The following SPAG17 variants were observed in gnomAD, a reference collection of about 807,000 sequenced individuals.
SPAG17 encodes sperm associated antigen 17, also known as sperm-associated antigen 17.
Under a neutral mutation model 273.6 loss-of-function variants are expected in SPAG17, and 169 were observed. That is an observed-to-expected ratio of 0.62 (90% confidence interval 0.55 to 0.70). SPAG17 has a LOEUF of 0.70. SPAG17 is among the 30% of genes least tolerant of loss of function. The pLI is 0.00. For synonymous variants in SPAG17, 825 were observed against 873.2 expected (o/e 0.94, Z 0.97); for missense variants, 2,557 against 2,627.8 (o/e 0.97, Z 0.59).
Position 118,036,848 on chromosome 1 carries a change from A to G in SPAG17, c.3355T>C (p.Phe1119Leu). ...SDAKNKAFSK[F>L]GSFSATLENG... ...TCTAAGGTGGCAGAAAAAGATCCAAACTTGCTGAAAGCTTTATTCTTTGCA... is the reference window on the plus strand; with the variant it reads ...TCTAAGGTGGCAGAAAAAGATCCAAGCTTGCTGAAAGCTTTATTCTTTGCA... Residue 1119 changes from phenylalanine to leucine, a missense_variant, in exon 24 of 49, where the codon TTT (phenylalanine) becomes CTT (leucine). Coordinates refer to ENST00000336338, the MANE Select transcript of SPAG17 (RefSeq NM_206996.4). The G allele has an allele frequency of 6.4e-7, 1 of 1,560,188 alleles. No homozygotes were observed. The highest frequency in any genetic ancestry group is 8.7e-7 in the Non-Finnish European group (1 of 1,150,546).
intron 40 of SPAG17, among the ~76,000 whole-genome samples, chr1:117,985,989 C>T (rs944609851): frequency 3.3e-5 from 5 of 152,126 alleles, no homozygotes; most frequent in African/African-American, 1.2e-4. Flanking sequence ...ATTTGGCAGT[C>T]CAATTAGCCT....
chr1:117,972,582 AGTTT>A (rs1283937752), intron 44 of SPAG17, among the ~76,000 whole-genome samples: 2 of 152,182 alleles, frequency 1.3e-5, no homozygotes, highest in African/African-American at 4.8e-5. Context: ...ATCATCTCAG[AGTTT>A]GTTAGAACTG....
intron 3 of SPAG17, among the ~76,000 whole-genome samples, chr1:118,123,995 T>C (rs1178724092): frequency 6.6e-6 from 1 of 152,198 alleles, no homozygotes; most frequent in Admixed American, 6.5e-5. Flanking sequence ...CAGGACTATT[T>C]TAGAAATGTT....
intron 4 of SPAG17, among the ~76,000 whole-genome samples, chr1:118,108,849 G>C (rs1211167974): frequency 6.6e-6 from 1 of 152,038 alleles, no homozygotes; most frequent in Non-Finnish European, 1.5e-5. Context: ...ACCAAAAAAA[G>C]TGTTGGCATT....
At chr1:118,009,905 C>T (rs1457801997) in intron 30 of SPAG17, among the ~76,000 whole-genome samples, 1 of 151,742 alleles carries the variant, frequency 6.6e-6, no homozygotes, top group African/African-American at 2.4e-5. Context: ...CAATAGAATA[C>T]TATTCAGTGT....
chr1:118,028,182 G>A, intron 26 of SPAG17, 92 bp downstream of exon 26: 1 of 1,399,408 alleles, frequency 7.1e-7, no homozygotes, highest in South Asian at 1.4e-5. Flanking sequence ...TCAACAAGAT[G>A]TATGTTTAAC....
At chr1:118,181,490 A>G (rs1371416433) in intron 1 of SPAG17, among the ~76,000 whole-genome samples, 2 of 152,094 alleles carry the variant, frequency 1.3e-5, no homozygotes, top group Non-Finnish European at 2.9e-5. Context: ...ACCAAGAGAG[A>G]GCAGGGGAAG....
At chr1:118,068,012 C>T (rs1428436850) in intron 17 of SPAG17, among the ~76,000 whole-genome samples, 2 of 152,120 alleles carry the variant, frequency 1.3e-5, no homozygotes, top group Non-Finnish European at 2.9e-5. Flanking sequence ...CTTTGCCAAT[C>T]AACAATAAGG....
intron 3 of SPAG17, among the ~76,000 whole-genome samples, chr1:118,126,649 T>C (rs894488889): frequency 3.3e-5 from 5 of 152,326 alleles, no homozygotes; most frequent in African/African-American, 1.2e-4. Flanking sequence ...CTTCACTCTG[T>C]TGATTGTTTC....
At chr1:118,095,863 G>A (rs1655674977) in intron 7 of SPAG17, among the ~76,000 whole-genome samples, 1 of 152,136 alleles carries the variant, frequency 6.6e-6, no homozygotes, top group African/African-American at 2.4e-5. Flanking sequence ...GTCCTTCTCT[G>A]AGGTCAGGTT....
chr1:118,028,159 CTATTGTTCATTATCAACAAGATG>C (rs1302418795), intron 26 of SPAG17, 92 bp downstream of exon 26: 2 of 1,236,376 alleles, frequency 1.6e-6, no homozygotes, highest in African/African-American at 3.0e-5. Flanking sequence ...TGAAAACAGT[CTATTGTTCATTATCAACAAGATG>C]TATGTTTAAC....
intron 1 of SPAG17, among the ~76,000 whole-genome samples, chr1:118,182,326 A>C (rs1160815148): frequency 6.6e-6 from 1 of 152,120 alleles, no homozygotes; most frequent in Admixed American, 6.6e-5. Flanking sequence ...TTTAAATAGT[A>C]CCGAGTGCTA....
At chr1:118,028,792 T>C (rs1648080774) in intron 25 of SPAG17, among the ~76,000 whole-genome samples, 1 of 152,188 alleles carries the variant, frequency 6.6e-6, no homozygotes, top group African/African-American at 2.4e-5. Flanking sequence ...TGTTGGAACC[T>C]AATAACCAAT....
chr1:118,107,051 C>T (rs1029077335), intron 4 of SPAG17, among the ~76,000 whole-genome samples: 1 of 152,120 alleles, frequency 6.6e-6, no homozygotes, highest in Admixed American at 6.6e-5. Context: ...GTATAGTTTC[C>T]AGACATCATC....
In SPAG17 at chr1:118,025,270, C is replaced by T; in HGVS notation, c.3877G>A (p.Val1293Ile). The T allele has an allele frequency of 1.2e-6, 2 of 1,613,354 alleles. No individual in the cohort carries two copies. The highest frequency in any genetic ancestry group is 1.7e-6 in the Non-Finnish European group (2 of 1,179,664). ...ASRVITSQGT[V>I]VKYMLDGSTQ... is the part of the protein sequence containing the mutation. ...GATCCATCCAACATATATTTGACAA[C>T]AGTGCCTTGACTGGTGATAACCCTT... The change falls in exon 27 of 49, where the codon GTT (valine) becomes ATT (isoleucine). Residue 1293 changes from valine (V) to isoleucine (I), a missense_variant. By Grantham distance (29) the Val-to-Ile change is conservative. Transcript: ENST00000336338.
chr1:118,040,694 G>T, intron 22 of SPAG17, 36 bp downstream of exon 22: 2 of 1,361,368 alleles, frequency 1.5e-6, no homozygotes, highest in Non-Finnish European at 2.1e-6. Flanking sequence ...GCATTATTAT[G>T]TTTCCAATCA....
At chr1:118,092,639 G>A (rs563530451) in intron 8 of SPAG17, among the ~76,000 whole-genome samples, 2 of 152,080 alleles carry the variant, frequency 1.3e-5, no homozygotes, top group East Asian at 3.9e-4. Context: ...GCTAATCCTG[G>A]TTCAGTTTTC....
Position 118,181,159 on chromosome 1 carries a change from A to T in SPAG17, c.87+3912T>A, listed in dbSNP as rs905252198. ...TATACACAGAAGAAAATGAAAAGGC[A>T]TTCTAAACATGTCACACAAAAAAAT... On this transcript the variant is annotated intron_variant, in intron 1 of 48. Coordinates refer to ENST00000336338, the MANE Select transcript of SPAG17 (RefSeq NM_206996.4). Among the ~76,000 whole-genome samples the T allele has an allele frequency of 3.9e-4, 60 of 152,232 alleles. 1 individual carries two copies. The highest frequency in any genetic ancestry group is 1.4e-3 in the African/African-American group (57 of 41,574).
chr1:117,960,109 C>CGTGTGTGTGTGTGTGT (rs3059173), intron 48 of SPAG17: 28 of 144,390 alleles, frequency 1.9e-4, no homozygotes, highest in African/African-American at 5.3e-4. Context: ...TTAATACACT[C>CGTGTGTGTGTGTGTGT]GTGTGTGTGT....
Sources: allele counts gnomAD v4.1 joint callset (sites outside exome capture counted in the v4.1 genomes callset), GRCh38; gene constraint gnomAD v4.1.1; transcripts MANE v1.5; gene names NCBI Gene and HGNC (gene_info 2026-07-23, HGNC 2026-07-21).